SGCD: variants seen among roughly 807,000 people sequenced by gnomAD.
The protein encoded by SGCD is sarcoglycan delta, also known as delta-sarcoglycan.
Under a neutral mutation model 36.6 loss-of-function variants are expected in SGCD, and 18 were observed. That is an observed-to-expected ratio of 0.49 (90% CI 0.34 to 0.73). The LOEUF (loss-of-function observed/expected upper bound fraction) is 0.73, where lower values mean the gene tolerates loss of function less well. Among genes scored for constraint, SGCD ranks in the 30% least tolerant of loss-of-function variants. The pLI is 0.01. For synonymous variants in SGCD, 133 were observed against 130.6 expected (o/e 1.02, Z -0.12); for missense variants, 387 against 346.7 (o/e 1.12, Z -0.92).
intron 1 of SGCD, among the ~76,000 whole-genome samples, chr5:155,987,064 T>C (rs1446564917): frequency 6.6e-6 from 1 of 152,216 alleles, no homozygotes; most frequent in Non-Finnish European, 1.5e-5. Context: ...CTTATTCCTT[T>C]GCACTGATGT....
the SGCD span, among the ~76,000 whole-genome samples, chr5:155,752,676 A>G: frequency 6.6e-6 from 1 of 152,176 alleles, no homozygotes; most frequent in Non-Finnish European, 1.5e-5. Flanking sequence ...TGATGATTTA[A>G]TCAGTATTTA....
At chr5:156,118,951 G>A (rs896722596) in intron 2 of SGCD, among the ~76,000 whole-genome samples, 1 of 152,120 alleles carries the variant, frequency 6.6e-6, no homozygotes, top group African/African-American at 2.4e-5. Context: ...GATGCCCAGA[G>A]TATTTTATGT....
the SGCD span, among the ~76,000 whole-genome samples, chr5:155,859,554 C>T: frequency 1.3e-5 from 2 of 152,138 alleles, no homozygotes; most frequent in African/African-American, 2.4e-5. Flanking sequence ...TTCCTCTAAT[C>T]CTTGGCCCTT....
At chr5:155,829,807 T>C in the SGCD span, among the ~76,000 whole-genome samples, 1 of 152,132 alleles carries the variant, frequency 6.6e-6, no homozygotes, top group African/African-American at 2.4e-5. Context: ...CATACAAAAG[T>C]ATTAGAGGAT....
At chr5:156,228,367 G>A (rs539747985) in intron 3 of SGCD, among the ~76,000 whole-genome samples, 9 of 152,042 alleles carry the variant, frequency 5.9e-5, no homozygotes, top group African/African-American at 1.9e-4. Flanking sequence ...TTTCCTGTTG[G>A]GCAATGCCTT....
chr5:155,962,376 C>T (rs1302580123), intron 1 of SGCD, among the ~76,000 whole-genome samples: 1 of 152,012 alleles, frequency 6.6e-6, no homozygotes, highest in Non-Finnish European at 1.5e-5. Context: ...TTTGGGATTT[C>T]ACATTCAAAT....
chr5:155,993,852 C>A (rs776225726), intron 1 of SGCD, among the ~76,000 whole-genome samples: 1 of 152,128 alleles, frequency 6.6e-6, no homozygotes, highest in Non-Finnish European at 1.5e-5. Flanking sequence ...TTTTTATGAC[C>A]TAGCCACAGA....
At chr5:156,464,768 A>C (rs1449330431) in intron 3 of SGCD, among the ~76,000 whole-genome samples, 1 of 152,146 alleles carries the variant, frequency 6.6e-6, no homozygotes, top group Non-Finnish European at 1.5e-5. Flanking sequence ...ACCACAGTTC[A>C]TGAATGTTCC....
the SGCD span, among the ~76,000 whole-genome samples, chr5:155,807,239 C>T: frequency 6.6e-6 from 1 of 152,202 alleles, no homozygotes; most frequent in Non-Finnish European, 1.5e-5. Context: ...CTCTCTTGTG[C>T]ATTTAAATCC....
chr5:156,637,308 A>G (rs35267300), intron 6 of SGCD, among the ~76,000 whole-genome samples: 10,191 of 152,092 alleles, frequency 0.067, 448 homozygotes, highest in Non-Finnish European at 0.097. Flanking sequence ...TTTATAAATT[A>G]CCCGATCTTG....
chr5:155,997,419 G>A (rs1163653256), intron 1 of SGCD, among the ~76,000 whole-genome samples: 2 of 152,210 alleles, frequency 1.3e-5, no homozygotes, highest in Non-Finnish European at 2.9e-5. Flanking sequence ...ACTTGCATAA[G>A]TGACTACAGT....
At position 155,884,921 on chromosome 5, in the gene SGCD, C is replaced by T. The variant is rs938898001; in HGVS notation, c.-282+14497C>T. On this transcript the variant is annotated intron_variant, in intron 1 of 9. Transcript: ENST00000517913. ...ATGATGAAGACGATAATGACAACGA[C>T]GATAACTGCCATGACATGTTTTGTG... 4.3e-5 allele frequency among the ~76,000 whole-genome samples: 5 copies of T among 116,882 alleles called. No individual in the cohort carries two copies. In the East Asian group the frequency reaches 1.1e-3, roughly 25 times the overall value. 76.7% of individuals were successfully genotyped at this position (116,882 alleles called of 152,430 possible).
intron 1 of SGCD, among the ~76,000 whole-genome samples, chr5:155,959,448 A>G (rs1412696971): frequency 6.6e-6 from 1 of 151,996 alleles, no homozygotes; most frequent in Non-Finnish European, 1.5e-5. Flanking sequence ...TAATAGGGGG[A>G]TCTGAGTAGT....
At chr5:155,936,007 A>C (rs1053300612) in intron 1 of SGCD, among the ~76,000 whole-genome samples, 1 of 152,078 alleles carries the variant, frequency 6.6e-6, no homozygotes, top group Non-Finnish European at 1.5e-5. Context: ...GGTGTACTAC[A>C]AGCAGCTTCC....
At chr5:155,770,073 C>A in the SGCD span, among the ~76,000 whole-genome samples, 12 of 151,972 alleles carry the variant, frequency 7.9e-5, no homozygotes, top group Non-Finnish European at 1.5e-4. Flanking sequence ...TTTTCTCACG[C>A]ATTCATTCAT....
At chr5:156,430,145 A>G (rs1056018428) in intron 3 of SGCD, among the ~76,000 whole-genome samples, 1 of 152,146 alleles carries the variant, frequency 6.6e-6, no homozygotes, top group Admixed American at 6.5e-5. Flanking sequence ...CCTCAGGAAC[A>G]CCAATTATTC....
At chr5:156,389,331 A>G (rs1312706454) in intron 3 of SGCD, among the ~76,000 whole-genome samples, 1 of 152,210 alleles carries the variant, frequency 6.6e-6, no homozygotes, top group Admixed American at 6.5e-5. Context: ...CCATTCATAT[A>G]TCCCCAAACT....
At chr5:156,364,385 C>A (rs1017469675) in intron 3 of SGCD, among the ~76,000 whole-genome samples, 1 of 150,938 alleles carries the variant, frequency 6.6e-6, no homozygotes, top group African/African-American at 2.4e-5. Context: ...TTTTTTAATG[C>A]GCAATGAAAT....
intron 1 of SGCD, among the ~76,000 whole-genome samples, chr5:156,077,946 A>G (rs571802067): frequency 1.3e-5 from 2 of 152,132 alleles, no homozygotes; most frequent in African/African-American, 2.4e-5. Flanking sequence ...TAATCTTTCA[A>G]TCTTACAAAG....
Sources: gnomAD v4.1 joint callset for allele counts (sites outside exome capture counted in the v4.1 genomes callset) on GRCh38, gnomAD v4.1.1 for gene constraint, MANE v1.5 for transcripts, NCBI Gene and HGNC (gene_info 2026-07-23, HGNC 2026-07-21) for gene names.